UBXN2B: variants seen among roughly 807,000 people sequenced by gnomAD.
The protein encoded by UBXN2B is UBX domain-containing protein 2B.
In UBXN2B, 19 loss-of-function variants were observed where a neutral mutation model predicts 37.5. The ratio of observed to expected loss-of-function variants is 0.51; its 90% CI spans 0.35 to 0.74. UBXN2B has a LOEUF of 0.74. Ranked by LOEUF, UBXN2B falls within the 30% of genes least tolerant of loss-of-function variation. UBXN2B has a pLI of 0.01. For synonymous variants in UBXN2B, 145 were observed against 143.8 expected (o/e 1.01, Z -0.06); for missense variants, 370 against 393.2 (o/e 0.94, Z 0.50).
At chr8:58,413,375 T>C (rs2129603567) in intron 1 of UBXN2B, 1 of 152,330 alleles carries the variant, frequency 6.6e-6, no homozygotes, top group Admixed American at 6.5e-5. Context: ...AAATAAAGTA[T>C]GTATCAAAAG....
chr8:58,437,003 A>G (rs1808428822), intron 5 of UBXN2B, among the ~76,000 whole-genome samples: 1 of 152,244 alleles, frequency 6.6e-6, no homozygotes, highest in African/African-American at 2.4e-5. Context: ...ATGTGGAAGC[A>G]TCTTTGGAAC....
In UBXN2B at chr8:58,423,735, G is replaced by A. The variant is rs538964226; in HGVS notation, c.188+6782G>A. On this transcript the variant is annotated intron_variant, in intron 2 of 7. Transcript: ENST00000399598. ...CAGGCGTGAGCCACCGCGCCCAGCC[G>A]GGGATGGGTTTTTTTTTTTAAGCCA... 7.0e-5 allele frequency among the ~76,000 whole-genome samples: 10 copies of A among 142,468 alleles called. No homozygotes were observed. The South Asian group carries it at 1.1e-3, about 16-fold the overall frequency. 93.5% of individuals were successfully genotyped at this position (142,468 alleles called of 152,430 possible).
At chr8:58,419,685 T>C (rs1420730440) in intron 2 of UBXN2B, among the ~76,000 whole-genome samples, 2 of 152,134 alleles carry the variant, frequency 1.3e-5, no homozygotes. Flanking sequence ...ATTTAAGATA[T>C]TAGGAGTTAG....
At chr8:58,435,003 C>G in intron 5 of UBXN2B, 2 of 1,523,600 alleles carry the variant, frequency 1.3e-6, no homozygotes, top group South Asian at 1.2e-5. Context: ...GTGCTCTCAC[C>G]CATCCAAAGA....
chr8:58,435,047 A>T, intron 5 of UBXN2B: 3 of 1,454,592 alleles, frequency 2.1e-6, no homozygotes, highest in Non-Finnish European at 1.8e-6. Flanking sequence ...TTGCTAAAGG[A>T]TGAGGAATCA....
At chr8:58,430,406 A>G in intron 2 of UBXN2B, 113 bp from the exon 3 acceptor site, 1 of 739,686 alleles carries the variant, frequency 1.4e-6, no homozygotes, top group African/African-American at 1.8e-5. Context: ...TAGAAGTCAA[A>G]ATAATGCCTC....
At chr8:58,412,619 T>C (rs1020716123) in intron 1 of UBXN2B, among the ~76,000 whole-genome samples, 1 of 152,198 alleles carries the variant, frequency 6.6e-6, no homozygotes, top group Non-Finnish European at 1.5e-5. Flanking sequence ...GAAGCTATTG[T>C]GTACCTCATC....
At chr8:58,426,449 C>T (rs1391240533) in intron 2 of UBXN2B, 1 of 649,608 alleles carries the variant, frequency 1.5e-6, no homozygotes, top group African/African-American at 1.8e-5. Context: ...ACTTTGTGAT[C>T]CGCCCTCCTC....
chr8:58,440,293 TG>T (rs1455265037), intron 6 of UBXN2B, among the ~76,000 whole-genome samples: 1 of 152,226 alleles, frequency 6.6e-6, no homozygotes, highest in East Asian at 1.9e-4. Context: ...AACTTAAGCA[TG>T]CATGTCTGCC....
At chr8:58,438,536 C>T (rs1394032145) in intron 5 of UBXN2B, among the ~76,000 whole-genome samples, 1 of 152,194 alleles carries the variant, frequency 6.6e-6, no homozygotes, top group East Asian at 1.9e-4. Flanking sequence ...GTCTGCCCTG[C>T]CGGGTTTCAG....
chr8:58,444,487 C>G (rs539029131), intron 6 of UBXN2B, among the ~76,000 whole-genome samples: 1 of 152,252 alleles, frequency 6.6e-6, no homozygotes, highest in East Asian at 1.9e-4. Flanking sequence ...GCTTCCCAGG[C>G]TGATGTAAAT....
At chr8:58,424,516 C>G (rs780629487) in intron 2 of UBXN2B, 3 of 743,184 alleles carry the variant, frequency 4.0e-6, no homozygotes, top group African/African-American at 3.6e-5. Context: ...AACTTTCTTG[C>G]GAAAGTTTGA....
At chr8:58,436,727 C>T (rs1162707256) in intron 5 of UBXN2B, among the ~76,000 whole-genome samples, 1 of 152,182 alleles carries the variant, frequency 6.6e-6, no homozygotes, top group East Asian at 1.9e-4. Context: ...GAGCCTGGAA[C>T]CTCCCCTTCT....
rs747981029 is a variant in UBXN2B at position 58,445,928 on chromosome 8, T to C, written c.693T>C (p.Ser231=). The C allele has an allele frequency of 1.2e-5, 20 of 1,609,570 alleles. No individual in the cohort carries two copies. Among genetic ancestry groups the C allele is most frequent in the Admixed American group, 1.7e-5 (1 of 59,264 alleles). ...KLGSLTPEIV[S]TPSSPEEEDK... Reference sequence around the variant, plus strand: ...TTAGCCTTACACCTGAAATAGTCAGTACACCTTCCTCTCCAGAAGAGGAGG... The same window carrying C: ...TTAGCCTTACACCTGAAATAGTCAGCACACCTTCCTCTCCAGAAGAGGAGG... The change falls in exon 7 of 8, where the codon AGT becomes AGC. Residue 231 remains serine, a synonymous_variant. Coordinates refer to ENST00000399598, the MANE Select transcript of UBXN2B (RefSeq NM_001077619.2).
intron 2 of UBXN2B, chr8:58,426,692 C>T (rs1274946585): frequency 1.4e-6 from 1 of 714,302 alleles, no homozygotes; most frequent in Non-Finnish European, 2.6e-6. Context: ...TCATGTTCCT[C>T]CCACATTCCG....
rs1359419939 is a variant in UBXN2B, at chr8:58,447,581, G to A, written c.*30G>A. The A allele has an allele frequency of 7.8e-6, 12 of 1,545,776 alleles. No individual in the cohort carries two copies. Among genetic ancestry groups the A allele is most frequent in the African/African-American group, 1.4e-5 (1 of 73,664 alleles). ...GTTCCTGTCCATGCAGTAGCATGTG[G>A]GAATAGATGATGTGCCGTATTAATA... is the stretch of plus-strand genomic sequence containing the variant. On this transcript the variant is annotated 3_prime_UTR_variant, in exon 8 of 8. Coordinates refer to ENST00000399598, the MANE Select transcript of UBXN2B (RefSeq NM_001077619.2).
At position 58,435,609 on chromosome 8, in the gene UBXN2B, T is replaced by C. The variant is rs575813526; in HGVS notation, c.533+1105T>C. ...GCGAAAACCAACATAACTGTAGAAA[T>C]TGATACTAATTTCAAGATAGTGGAA... On this transcript the variant is annotated intron_variant, in intron 5 of 7. Coordinates refer to ENST00000399598, the MANE Select transcript of UBXN2B (RefSeq NM_001077619.2). Among the ~76,000 whole-genome samples, 4 of 152,252 alleles carry C rather than the reference T, an allele frequency of 2.6e-5. No homozygotes were observed. In the South Asian group the frequency reaches 8.3e-4, roughly 32 times the overall value.
At chr8:58,427,249 C>A (rs754161829) in intron 2 of UBXN2B, among the ~76,000 whole-genome samples, 1 of 152,146 alleles carries the variant, frequency 6.6e-6, no homozygotes, top group African/African-American at 2.4e-5. Context: ...CATTGCAGAT[C>A]GCTTGAGCTC....
At chr8:58,425,911 G>T in intron 2 of UBXN2B, 1 of 1,226,408 alleles carries the variant, frequency 8.2e-7, no homozygotes, top group South Asian at 1.2e-5. Context: ...CATCACTGGT[G>T]CGCACAGAGA....
Sources: gnomAD v4.1 joint callset for allele counts (sites outside exome capture counted in the v4.1 genomes callset) on GRCh38, gnomAD v4.1.1 for gene constraint, MANE v1.5 for transcripts, NCBI Gene and HGNC (gene_info 2026-07-23, HGNC 2026-07-21) for gene names.